ASAH2B: variants seen among roughly 807,000 people sequenced by gnomAD.
ASAH2B encodes putative inactive neutral ceramidase B.
A neutral mutation model predicts 2.9 loss-of-function variants in ASAH2B; 1 was observed. That is an observed-to-expected ratio of 0.34 (90% CI 0.12 to 1.63). ASAH2B has a LOEUF of 1.63. ASAH2B is among the 40% of genes most tolerant of loss of function. The probability of loss-of-function intolerance (pLI) is 0.36; values close to 1 mark genes in which losing one functional copy is unlikely to be tolerated. For synonymous variants in ASAH2B, 4 were observed against 13.3 expected (o/e 0.30, Z 1.52); for missense variants, 9 against 37.7 (o/e 0.24, Z 1.99).
In ASAH2B at chr10:50,756,090, C is replaced by T. The variant is rs1197254496; in HGVS notation, c.*1350C>T. 7.2e-6 allele frequency: 1 copy of T among 139,526 alleles called. No homozygotes were observed. Among genetic ancestry groups the T allele is most frequent in the Non-Finnish European group, 1.6e-5 (1 of 62,326 alleles). 8.6% of individuals were successfully genotyped at this position (139,526 alleles called of 1,614,324 possible). A position where few individuals can be genotyped will look rare whatever the true frequency, so the allele number is the denominator to read the frequency against. Reference sequence around the variant, plus strand: ...TAAAATTCTTTAAGTTAACTACAACCTCCCAGACTGCAAAGCAAATTTCCA... The same window carrying T: ...TAAAATTCTTTAAGTTAACTACAACTTCCCAGACTGCAAAGCAAATTTCCA... On this transcript the variant is annotated 3_prime_UTR_variant, in exon 6 of 6. Coordinates refer to ENST00000647317, the MANE Select transcript of ASAH2B (RefSeq NM_001321958.2).
chr10:50,748,997 T>C (rs1454363610), intron 3 of ASAH2B, among the ~76,000 whole-genome samples: 2 of 151,840 alleles, frequency 1.3e-5, no homozygotes, highest in Non-Finnish European at 2.9e-5. Context: ...TGGAAAGTTT[T>C]GACTGTTCTA....
rs1463121633 is a variant in ASAH2B at position 50,759,184 on chromosome 10, C to T, written c.*4444C>T. 10 of 82,436 alleles carry T rather than the reference C, an allele frequency of 1.2e-4. 4 individuals are homozygous for T. Among genetic ancestry groups the T allele is most frequent in the Non-Finnish European group, 3.8e-4 (10 of 26,008 alleles). 5.1% of individuals were successfully genotyped at this position (82,436 alleles called of 1,614,324 possible). ...TTATACTTGTATTAGCATTTTTCCC[C>T]CTTGACATCAATGTCCTTGAATGTA... is the stretch of plus-strand genomic sequence containing the variant. On this transcript the variant is annotated 3_prime_UTR_variant, in exon 6 of 6. Transcript: ENST00000647317.
rs1837131741 is a variant in ASAH2B, at chr10:50,758,144, AAG to A, written c.*3406_*3407del. 1 of 130,266 alleles carries A rather than the reference AAG, an allele frequency of 7.7e-6. No homozygotes were observed. The highest frequency in any genetic ancestry group is 2.9e-5 in the African/African-American group (1 of 35,082). The allele number at this position is 130,266 out of a possible 1,614,324, so 8.1% of individuals were successfully genotyped here. ...CTTACCTGCAAGGGAAGCTGGAAAA[AAG>A]AATATTTAGTATTTTGTGCTTCTAG... is the stretch of plus-strand genomic sequence containing the variant. On this transcript the variant is annotated 3_prime_UTR_variant, in exon 6 of 6. Coordinates refer to ENST00000647317, the MANE Select transcript of ASAH2B (RefSeq NM_001321958.2).
chr10:50,746,331 C>T (rs989724490), intron 3 of ASAH2B, among the ~76,000 whole-genome samples: 9 of 151,400 alleles, frequency 5.9e-5, no homozygotes, highest in Non-Finnish European at 8.8e-5. Flanking sequence ...ATGTAAGGAT[C>T]TCATTCTTAT....
chr10:50,743,411 T>C lies in ASAH2B; in HGVS notation c.-4+401T>C, dbSNP rs544291459. ...TCCTTGCCAGATTCTCCCCACTCAC[T>C]CCAAAAGTTGAGTAGGTCAGCATTC... is the stretch of plus-strand genomic sequence containing the variant. On this transcript the variant is annotated intron_variant, in intron 2 of 5. Transcript: ENST00000647317. 7.3e-5 allele frequency among the ~76,000 whole-genome samples: 11 copies of C among 150,842 alleles called. No homozygotes were observed. In the South Asian group the frequency reaches 2.3e-3, roughly 32 times the overall value.
intron 5 of ASAH2B, among the ~76,000 whole-genome samples, chr10:50,753,180 C>T (rs1839997147): frequency 6.9e-6 from 1 of 144,774 alleles, no homozygotes; most frequent in Admixed American, 7.0e-5. Flanking sequence ...CTTCTGTTCC[C>T]AAGTCTATAA....
chr10:50,755,018 A>G lies in ASAH2B; in HGVS notation c.*278A>G, dbSNP rs74638595. The stretch of plus-strand genomic sequence containing the variant: ...CCATATATCTTGTGGTCTACAGCCT[A>G]AAGCATGATTTCCCTTGAAGTCTTG... On this transcript the variant is annotated 3_prime_UTR_variant, in exon 6 of 6. Transcript: ENST00000647317. The G allele has an allele frequency of 0.39, 142,543 of 364,854 alleles. 31,520 individuals carry two copies. Among genetic ancestry groups the G allele is most frequent in the Admixed American group, 0.54 (10,728 of 20,018 alleles). The allele number at this position is 364,854 out of a possible 1,614,324, so 22.6% of individuals were successfully genotyped here.
At chr10:50,742,365 G>A (rs1471555593) in intron 1 of ASAH2B, among the ~76,000 whole-genome samples, 3 of 152,302 alleles carry the variant, frequency 2.0e-5, no homozygotes, top group African/African-American at 7.2e-5. Flanking sequence ...TGAGAATGTT[G>A]TGGAGGAAGC....
rs1837077906 is a variant in ASAH2B at position 50,755,905 on chromosome 10, C to A, written c.*1165C>A. On this transcript the variant is annotated 3_prime_UTR_variant, in exon 6 of 6. Coordinates refer to ENST00000647317, the MANE Select transcript of ASAH2B (RefSeq NM_001321958.2). ...CTTCAAGTTATATCTTGTGTATCATCTGTGTTGGATACTCTAATTTGGGGG... is the reference window on the plus strand; with the variant it reads ...CTTCAAGTTATATCTTGTGTATCATATGTGTTGGATACTCTAATTTGGGGG... 6.6e-6 allele frequency: 1 copy of A among 151,434 alleles called. No homozygotes were observed. Among genetic ancestry groups the A allele is most frequent in the African/African-American group, 2.4e-5 (1 of 41,374 alleles). The allele number at this position is 151,434 out of a possible 1,614,324, so 9.4% of individuals were successfully genotyped here. A position where few individuals can be genotyped will look rare whatever the true frequency, so the allele number is the denominator to read the frequency against.
intron 1 of ASAH2B, among the ~76,000 whole-genome samples, chr10:50,740,206 C>G (rs533777136): frequency 1.3e-5 from 2 of 151,994 alleles, no homozygotes; most frequent in African/African-American, 2.4e-5. Flanking sequence ...GGAAGGTGTC[C>G]GGGAGACGTC....
chr10:50,741,764 A>G (rs1299956911), intron 1 of ASAH2B, among the ~76,000 whole-genome samples: 1 of 152,098 alleles, frequency 6.6e-6, no homozygotes, highest in African/African-American at 2.4e-5. Flanking sequence ...ATGCTATGCT[A>G]CTGAGCCTTC....
At chr10:50,745,621 G>C (rs1839894465) in intron 3 of ASAH2B, among the ~76,000 whole-genome samples, 1 of 147,458 alleles carries the variant, frequency 6.8e-6, no homozygotes, top group Non-Finnish European at 1.5e-5. Context: ...CTTGTGTCCT[G>C]AAAGCTTGCT....
At chr10:50,748,899 G>A (rs1453042118) in intron 3 of ASAH2B, among the ~76,000 whole-genome samples, 2 of 151,458 alleles carry the variant, frequency 1.3e-5, no homozygotes, top group Non-Finnish European at 2.9e-5. Flanking sequence ...GTCGTTTCAG[G>A]TGGGAGGATA....
intron 2 of ASAH2B, among the ~76,000 whole-genome samples, chr10:50,743,318 G>A (rs1001517661): frequency 2.0e-5 from 3 of 151,322 alleles, no homozygotes; most frequent in Non-Finnish European, 2.9e-5. Context: ...AGTTTTCAGA[G>A]GAGCACATAG....
chr10:50,759,010 A>G lies in ASAH2B; in HGVS notation c.*4270A>G, dbSNP rs567379603. The G allele has an allele frequency of 2.0e-5, 3 of 149,898 alleles. No individual in the cohort carries two copies. In the East Asian group the frequency reaches 6.1e-4, roughly 30 times the overall value. The allele number at this position is 149,898 out of a possible 1,614,324, so 9.3% of individuals were successfully genotyped here. ...TGGTGTGTGCATGTATGTGTGTATT[A>G]GTTTGTGTTTGTGTTTGTGTACTGG... is the stretch of plus-strand genomic sequence containing the variant. On this transcript the variant is annotated 3_prime_UTR_variant, in exon 6 of 6. Coordinates refer to ENST00000647317, the MANE Select transcript of ASAH2B (RefSeq NM_001321958.2).
At position 50,758,871 on chromosome 10, in the gene ASAH2B, A is replaced by G. The variant is rs1371598693; in HGVS notation, c.*4131A>G. 1.3e-5 allele frequency: 2 copies of G among 151,972 alleles called. No homozygotes were observed. The highest frequency in any genetic ancestry group is 4.8e-5 in the African/African-American group (2 of 41,430). The allele number at this position is 151,972 out of a possible 1,614,324, so 9.4% of individuals were successfully genotyped here. A position where few individuals can be genotyped will look rare whatever the true frequency, so the allele number is the denominator to read the frequency against. Reference sequence around the variant, plus strand: ...TGACCCATATTGTTATTGTTCAGGGAATTAGAGAGGGCACCTAATATGGTC... The same window carrying G: ...TGACCCATATTGTTATTGTTCAGGGGATTAGAGAGGGCACCTAATATGGTC... On this transcript the variant is annotated 3_prime_UTR_variant, in exon 6 of 6. Coordinates refer to ENST00000647317, the MANE Select transcript of ASAH2B (RefSeq NM_001321958.2).
chr10:50,741,639 AG>A (rs1839832771), intron 1 of ASAH2B, among the ~76,000 whole-genome samples: 1 of 152,196 alleles, frequency 6.6e-6, no homozygotes, highest in Non-Finnish European at 1.5e-5. Context: ...TCCAGAGGGC[AG>A]GCACATTGAT....
At position 50,756,846 on chromosome 10, in the gene ASAH2B, C is replaced by T. The variant is rs1837103080; in HGVS notation, c.*2106C>T. On this transcript the variant is annotated 3_prime_UTR_variant, in exon 6 of 6. Coordinates refer to ENST00000647317, the MANE Select transcript of ASAH2B (RefSeq NM_001321958.2). Reference sequence around the variant, plus strand: ...AATATCATGAAGTAATTGAACTTATCTGTTGATATAAAAACACAGATCCAA... The same window carrying T: ...AATATCATGAAGTAATTGAACTTATTTGTTGATATAAAAACACAGATCCAA... 1.3e-5 allele frequency: 2 copies of T among 151,654 alleles called. No individual in the cohort carries two copies. 9.4% of individuals were successfully genotyped at this position (151,654 alleles called of 1,614,324 possible). A position where few individuals can be genotyped will look rare whatever the true frequency, so the allele number is the denominator to read the frequency against.
At chr10:50,754,292 G>T (rs1837035300) in intron 5 of ASAH2B, among the ~76,000 whole-genome samples, 1 of 134,650 alleles carries the variant, frequency 7.4e-6, no homozygotes, top group South Asian at 2.5e-4. Flanking sequence ...GTTTCCTGGG[G>T]TGAGTATAAT....
Sources: allele counts gnomAD v4.1 joint callset (sites outside exome capture counted in the v4.1 genomes callset), GRCh38; gene constraint gnomAD v4.1.1; transcripts MANE v1.5; gene names NCBI Gene and HGNC (gene_info 2026-07-23, HGNC 2026-07-21).